RP1: variants seen among roughly 807,000 people sequenced by gnomAD.
RP1 encodes oxygen-regulated protein 1.
In RP1, 16 loss-of-function variants were observed where a neutral mutation model predicts 14.8. That is an observed-to-expected ratio of 1.08 (90% CI 0.73 to 1.65). RP1 has a LOEUF of 1.65. RP1 is among the 40% of genes most tolerant of loss of function. The pLI, the probability that RP1 is intolerant of heterozygous loss-of-function variation, is 0.00. For missense variants in RP1, 2,631 were observed against 2,535.0 expected (o/e 1.04, Z -0.81); for synonymous variants, 876 against 883.6 (o/e 0.99, Z 0.15).
intron 24 of RP1, among the ~76,000 whole-genome samples, chr8:54,810,721 C>T (rs1033145309): frequency 6.6e-6 from 1 of 152,178 alleles, no homozygotes; most frequent in African/African-American, 2.4e-5. Context: ...TGCCTGCTTG[C>T]TGTTTAATGT....
intron 24 of RP1, among the ~76,000 whole-genome samples, chr8:54,800,454 C>T (rs1251058953): frequency 6.6e-6 from 1 of 151,368 alleles, no homozygotes; most frequent in African/African-American, 2.4e-5. Context: ...TTTCTCATGC[C>T]CTGTTCTCTT....
intron 24 of RP1, among the ~76,000 whole-genome samples, chr8:54,792,945 T>C (rs1202926094): frequency 1.3e-5 from 2 of 151,598 alleles, no homozygotes; most frequent in Admixed American, 1.3e-4. Flanking sequence ...CTAGCTAGAC[T>C]AATCGAGAAA....
intron 28 of RP1, among the ~76,000 whole-genome samples, chr8:54,867,410 G>A (rs543993523): frequency 6.6e-6 from 1 of 152,094 alleles, no homozygotes; most frequent in South Asian, 2.1e-4. Flanking sequence ...ATTTTTGAAA[G>A]AAATCTTAGT....
chr8:54,617,656 CT>C (rs1805753155), intron 1 of RP1, among the ~76,000 whole-genome samples: 2 of 152,172 alleles, frequency 1.3e-5, no homozygotes, highest in African/African-American at 4.8e-5. Context: ...GGAAATTGCC[CT>C]CTCTTCTCAC....
At chr8:54,601,785 G>C (rs184273047) in intron 1 of RP1, among the ~76,000 whole-genome samples, 5 of 152,218 alleles carry the variant, frequency 3.3e-5, no homozygotes, top group Admixed American at 2.6e-4. Context: ...GCTACTACAT[G>C]GATGAATCTC....
intron 1 of RP1, among the ~76,000 whole-genome samples, chr8:54,574,026 G>T (rs1244279854): frequency 6.6e-6 from 1 of 152,154 alleles, no homozygotes; most frequent in Non-Finnish European, 1.5e-5. Flanking sequence ...TTCCAGGTGC[G>T]AGAATAAGAC....
chr8:54,596,325 A>G (rs1253428137), intron 1 of RP1, among the ~76,000 whole-genome samples: 1 of 152,184 alleles, frequency 6.6e-6, no homozygotes, highest in Non-Finnish European at 1.5e-5. Context: ...CCCTACCTAT[A>G]TCACAACTGT....
intron 19 of RP1, among the ~76,000 whole-genome samples, chr8:54,749,226 G>A (rs1194801932): frequency 3.3e-5 from 5 of 151,992 alleles, no homozygotes; most frequent in Non-Finnish European, 7.4e-5. Flanking sequence ...AGCTACTTGG[G>A]AGGCTGAGGC....
intron 17 of RP1, among the ~76,000 whole-genome samples, chr8:54,731,274 A>C (rs1808788242): frequency 6.6e-6 from 1 of 152,094 alleles, no homozygotes; most frequent in Middle Eastern, 3.2e-3. Context: ...TTGGTGTTTA[A>C]TTAAATTGTT....
chr8:54,649,288 C>A, intron 4 of RP1: 2 of 652,962 alleles, frequency 3.1e-6, no homozygotes, highest in South Asian at 5.4e-5. Flanking sequence ...GAAGTTTTTG[C>A]TCAAGCAGAT....
intron 24 of RP1, among the ~76,000 whole-genome samples, chr8:54,829,476 A>G (rs1387659721): frequency 6.6e-6 from 1 of 152,210 alleles, no homozygotes; most frequent in Non-Finnish European, 1.5e-5. Context: ...TGATATTAAT[A>G]AAGTGTACAA....
intron 25 of RP1, among the ~76,000 whole-genome samples, chr8:54,843,595 A>G (rs1811841548): frequency 6.6e-6 from 1 of 152,188 alleles, no homozygotes; most frequent in Non-Finnish European, 1.5e-5. Flanking sequence ...ATCTCACCAC[A>G]ATGAGTGCTC....
At chr8:54,694,426 T>A (rs1283454344) in intron 12 of RP1, among the ~76,000 whole-genome samples, 2 of 152,220 alleles carry the variant, frequency 1.3e-5, no homozygotes, top group African/African-American at 4.8e-5. Context: ...CTGGTAGAAT[T>A]CAGCTGTGAA....
At chr8:54,583,441 G>A (rs1804845302) in intron 1 of RP1, among the ~76,000 whole-genome samples, 1 of 152,172 alleles carries the variant, frequency 6.6e-6, no homozygotes, top group Non-Finnish European at 1.5e-5. Flanking sequence ...TGTTCATCAG[G>A]AATATTGGTC....
intron 9 of RP1, among the ~76,000 whole-genome samples, chr8:54,679,108 G>C (rs986413549): frequency 1.3e-5 from 2 of 152,148 alleles, no homozygotes; most frequent in Non-Finnish European, 2.9e-5. Flanking sequence ...CAAAGGACAG[G>C]ATAAATTGAT....
chr8:54,715,948 G>T (rs1808394798), intron 15 of RP1, among the ~76,000 whole-genome samples: 1 of 152,190 alleles, frequency 6.6e-6, no homozygotes, highest in South Asian at 2.1e-4. Flanking sequence ...TAAGTACCAA[G>T]TTCAGTGTTG....
intron 24 of RP1, among the ~76,000 whole-genome samples, chr8:54,818,635 G>A (rs1296108184): frequency 6.6e-6 from 1 of 152,210 alleles, no homozygotes; most frequent in Non-Finnish European, 1.5e-5. Context: ...TGGCAGGAAG[G>A]GGTGTCAGAG....
At chr8:54,715,884 A>T (rs575335506) in intron 15 of RP1, among the ~76,000 whole-genome samples, 1 of 152,244 alleles carries the variant, frequency 6.6e-6, no homozygotes, top group Non-Finnish European at 1.5e-5. Context: ...AAAGGGGAAA[A>T]GAAGAACGTA....
chr8:54,718,449 A>G (rs965958123), intron 15 of RP1, among the ~76,000 whole-genome samples: 1 of 152,208 alleles, frequency 6.6e-6, no homozygotes, highest in African/African-American at 2.4e-5. Context: ...AAAGGAGCAA[A>G]GGGAACTCAA....
Sources: gnomAD v4.1 joint callset for allele counts (sites outside exome capture counted in the v4.1 genomes callset) on GRCh38, gnomAD v4.1.1 for gene constraint, MANE v1.5 for transcripts, NCBI Gene and HGNC (gene_info 2026-07-23, HGNC 2026-07-21) for gene names.